Variants in RYK observed in about 807,000 individuals in gnomAD.
The protein encoded by RYK is receptor like tyrosine kinase, also known as inactive tyrosine-protein kinase RYK.
A neutral mutation model predicts 70.2 loss-of-function variants in RYK; 21 were observed. The observed-to-expected ratio is 0.30, with a 90% CI of 0.21 to 0.43. The LOEUF (loss-of-function observed/expected upper bound fraction) is 0.43. Ranked by LOEUF, RYK falls within the 20% of genes least tolerant of loss-of-function variation. The pLI, the probability that RYK is intolerant of heterozygous loss-of-function variation, is 1.00. For synonymous variants in RYK, 267 were observed against 278.0 expected, an observed-to-expected ratio of 0.96 and a Z score of 0.39; for missense variants, 604 against 753.3, an observed-to-expected ratio of 0.80 and a Z score of 2.32.
At chr3:134,190,771 T>C (rs538571857) in intron 8 of RYK, among the ~76,000 whole-genome samples, 15 of 152,318 alleles carry the variant, frequency 9.8e-5, no homozygotes, top group African/African-American at 1.9e-4. Context: ...CTACAACAGA[T>C]TGCCTATTCT....
At chr3:134,182,316 G>C (rs975878483) in intron 10 of RYK, among the ~76,000 whole-genome samples, 1 of 152,070 alleles carries the variant, frequency 6.6e-6, no homozygotes, top group Non-Finnish European at 1.5e-5. Flanking sequence ...ATTTACAGTT[G>C]CCAATATCAA....
At chr3:134,215,571 T>C (rs997356104) in intron 2 of RYK, among the ~76,000 whole-genome samples, 5 of 152,246 alleles carry the variant, frequency 3.3e-5, no homozygotes, top group African/African-American at 4.8e-5. Flanking sequence ...TTGCCAATTA[T>C]TGAAGTCCAA....
chr3:134,179,705 T>C (rs2013229612), intron 10 of RYK: 1 of 152,236 alleles, frequency 6.6e-6, no homozygotes, highest in Non-Finnish European at 1.5e-5. Flanking sequence ...CTCCCATGAA[T>C]ACTAAAATGA....
intron 1 of RYK, among the ~76,000 whole-genome samples, chr3:134,241,978 GC>G (rs2015336799): frequency 6.6e-6 from 1 of 152,166 alleles, no homozygotes; most frequent in Non-Finnish European, 1.5e-5. Context: ...AGACTTGTGT[GC>G]TGTCTATTCC....
chr3:134,199,095 A>G (rs957187432), intron 6 of RYK, among the ~76,000 whole-genome samples: 2 of 152,234 alleles, frequency 1.3e-5, no homozygotes, highest in South Asian at 2.1e-4. Context: ...CCTATCCAGG[A>G]CAGACTCATC....
chr3:134,176,689 T>C lies in RYK; in HGVS notation c.1306-650A>G, dbSNP rs766030323. Reference sequence around the variant, plus strand: ...TAAGCATGGGAGGTTGAGGCTGCAGTGAGCTGTGATCACACCACTGCCCTC... The same window carrying C: ...TAAGCATGGGAGGTTGAGGCTGCAGCGAGCTGTGATCACACCACTGCCCTC... On this transcript the variant is annotated intron_variant, in intron 11 of 14. Coordinates refer to ENST00000623711, the MANE Select transcript of RYK (RefSeq NM_002958.4). Among the ~76,000 whole-genome samples the C allele has an allele frequency of 2.6e-5, 4 of 151,942 alleles. 1 individual carries two copies. Among genetic ancestry groups the C allele is most frequent in the Non-Finnish European group, 5.9e-5 (4 of 67,962 alleles).
chr3:134,223,863 G>A (rs893552023), intron 1 of RYK, among the ~76,000 whole-genome samples: 2 of 152,176 alleles, frequency 1.3e-5, no homozygotes, highest in African/African-American at 4.8e-5. Flanking sequence ...TATGCAGAGA[G>A]GTCAAGATGG....
intron 13 of RYK, among the ~76,000 whole-genome samples, chr3:134,165,818 G>A (rs541284753): frequency 3.9e-4 from 60 of 152,292 alleles, no homozygotes; most frequent in African/African-American, 1.4e-3. Flanking sequence ...GAATGAGTAT[G>A]TCTATCCATT....
At chr3:134,246,063 AT>A (rs907226715) in intron 1 of RYK, among the ~76,000 whole-genome samples, 1 of 149,044 alleles carries the variant, frequency 6.7e-6, no homozygotes, top group African/African-American at 2.5e-5. Flanking sequence ...CAAAGAAAAA[AT>A]AAAAATACAC....
intron 9 of RYK, 150 bp downstream of exon 9, chr3:134,188,687 T>G (rs531672851): frequency 6.6e-5 from 36 of 543,522 alleles, no homozygotes; most frequent in Non-Finnish European, 1.3e-5. Flanking sequence ...ACAATTAGGC[T>G]CATATAAGAC....
At chr3:134,167,266 A>G (rs2012706597) in intron 13 of RYK, among the ~76,000 whole-genome samples, 1 of 152,162 alleles carries the variant, frequency 6.6e-6, no homozygotes, top group Non-Finnish European at 1.5e-5. Flanking sequence ...TATGGAACCA[A>G]AAAAAGAGCC....
chr3:134,180,435 C>T (rs1383745112), intron 10 of RYK: 2 of 152,150 alleles, frequency 1.3e-5, no homozygotes, highest in Admixed American at 1.3e-4. Flanking sequence ...ATGAAGCAAA[C>T]ATGCTGTATT....
chr3:134,210,132 CA>C (rs2014344237), intron 3 of RYK, among the ~76,000 whole-genome samples: 1 of 152,144 alleles, frequency 6.6e-6, no homozygotes, highest in Admixed American at 6.5e-5. Context: ...CACTTTGTCT[CA>C]TAAGTCCTGC....
At chr3:134,198,857 G>A (rs2013897144) in intron 6 of RYK, among the ~76,000 whole-genome samples, 1 of 152,112 alleles carries the variant, frequency 6.6e-6, no homozygotes, top group Non-Finnish European at 1.5e-5. Flanking sequence ...TAAAATCAAA[G>A]ATTTTAAAGG....
chr3:134,247,295 G>A (rs932032561), intron 1 of RYK, among the ~76,000 whole-genome samples: 2 of 152,102 alleles, frequency 1.3e-5, no homozygotes, highest in Admixed American at 6.5e-5. Context: ...TTAGAATGAC[G>A]AAAGTAAAAA....
chr3:134,192,393 T>A (rs1356108478), intron 7 of RYK, among the ~76,000 whole-genome samples: 1 of 150,210 alleles, frequency 6.7e-6, no homozygotes, highest in Non-Finnish European at 1.5e-5. Flanking sequence ...TTTGAAAAGA[T>A]TTTTTTCAAA....
At position 134,175,627 on chromosome 3, in the gene RYK, G is replaced by C. The variant is rs201359781; in HGVS notation, c.1557C>G (p.Phe519Leu). ...CACTTACCACATCACTAGCGCTAGA[G>C]AACTCGTTATTAACCAGACTTTCAA... Reference protein sequence around the residue: ...MALESLVNNEFSSASDVWAFG... With the variant: ...MALESLVNNELSSASDVWAFG... The change falls in exon 13 of 15, where the codon TTC (phenylalanine) becomes TTG (leucine). Residue 519 changes from phenylalanine to leucine, a missense_variant. Coordinates refer to ENST00000623711, the MANE Select transcript of RYK (RefSeq NM_002958.4). 4.4e-5 allele frequency: 71 copies of C among 1,613,694 alleles called. No homozygotes were observed. Among genetic ancestry groups the C allele is most frequent in the Non-Finnish European group, 5.8e-5 (68 of 1,179,856 alleles).
intron 9 of RYK, among the ~76,000 whole-genome samples, chr3:134,185,413 CACTTCCATT>C (rs1422214324): frequency 1.3e-5 from 2 of 152,342 alleles, no homozygotes; most frequent in African/African-American, 4.8e-5. Flanking sequence ...CGTCTTGCTT[CACTTCCATT>C]ACTTGCTACT....
chr3:134,247,577 C>T (rs1351710472), intron 1 of RYK, among the ~76,000 whole-genome samples: 2 of 152,004 alleles, frequency 1.3e-5, no homozygotes, highest in African/African-American at 4.8e-5. Flanking sequence ...TAATGCGTGC[C>T]TGTAATCCCA....
Sources: allele counts gnomAD v4.1 joint callset (sites outside exome capture counted in the v4.1 genomes callset), GRCh38; gene constraint gnomAD v4.1.1; transcripts MANE v1.5; gene names NCBI Gene and HGNC (gene_info 2026-07-23, HGNC 2026-07-21).